DTWD2: variants seen among roughly 807,000 people sequenced by gnomAD.
The protein encoded by DTWD2 is DTW motif tRNA-uridine aminocarboxypropyltransferase 2.
In DTWD2, 39 loss-of-function variants were observed where a neutral mutation model predicts 31.8. That is an observed-to-expected ratio of 1.22 (90% CI 0.95 to 1.60). DTWD2 has a LOEUF of 1.60. Among genes scored for constraint, DTWD2 ranks in the 40% most tolerant of loss-of-function variants. The probability of loss-of-function intolerance (pLI) is 0.00; values close to 1 mark genes in which losing one functional copy is unlikely to be tolerated. For synonymous variants in DTWD2, 180 were observed against 142.8 expected (o/e 1.26, Z -1.86); for missense variants, 515 against 381.5 (o/e 1.35, Z -2.92).
At position 118,911,514 on chromosome 5, in the gene DTWD2, A is replaced by G. The variant is rs146181197; in HGVS notation, c.597+17023T>C. ...CAATCCTACTTCTGGGTATATATCCAAAGGAATTGAAAACGGAATCATGAA... is the reference window on the plus strand; with the variant it reads ...CAATCCTACTTCTGGGTATATATCCGAAGGAATTGAAAACGGAATCATGAA... On this transcript the variant is annotated intron_variant, in intron 4 of 5. Transcript: ENST00000510708. 2.3e-3 allele frequency among the ~76,000 whole-genome samples: 349 copies of G among 152,354 alleles called. 2 individuals are homozygous for G. The highest frequency in any genetic ancestry group is 7.7e-3 in the African/African-American group (320 of 41,586).
chr5:118,848,244 T>C (rs1468248486), intron 4 of DTWD2, 26 bp from the exon 5 acceptor site: 1 of 1,549,824 alleles, frequency 6.5e-7, no homozygotes, highest in Non-Finnish European at 8.7e-7. Context: ...AAATAGAACA[T>C]AATTTTTGTT....
chr5:118,891,280 T>C (rs1192880195), intron 4 of DTWD2, among the ~76,000 whole-genome samples: 1 of 152,174 alleles, frequency 6.6e-6, no homozygotes, highest in Non-Finnish European at 1.5e-5. Flanking sequence ...GTTCCCACTA[T>C]GCAATCCACA....
chr5:118,855,053 G>C (rs997302461), intron 4 of DTWD2, among the ~76,000 whole-genome samples: 9 of 151,412 alleles, frequency 5.9e-5, no homozygotes, highest in African/African-American at 2.2e-4. Context: ...TGTGGTCCCA[G>C]TTACTCGGGA....
chr5:118,872,926 T>C (rs1752539314), intron 4 of DTWD2, among the ~76,000 whole-genome samples: 1 of 151,998 alleles, frequency 6.6e-6, no homozygotes, highest in Admixed American at 6.6e-5. Flanking sequence ...TTCAGAGGGA[T>C]GGCGCCGAGA....
chr5:118,924,437 T>A (rs774655608), intron 4 of DTWD2, among the ~76,000 whole-genome samples: 27 of 152,324 alleles, frequency 1.8e-4, no homozygotes, highest in Admixed American at 1.0e-3. Flanking sequence ...TAAGTTAGTT[T>A]GAGTCGAAAT....
chr5:118,932,197 A>T (rs2149580580), intron 3 of DTWD2, among the ~76,000 whole-genome samples: 1 of 152,078 alleles, frequency 6.6e-6, no homozygotes, highest in South Asian at 2.1e-4. Flanking sequence ...CAACAACAAC[A>T]AAAGCTAGAT....
chr5:118,878,721 C>T (rs1163797830), intron 4 of DTWD2, among the ~76,000 whole-genome samples: 1 of 151,966 alleles, frequency 6.6e-6, no homozygotes, highest in Non-Finnish European at 1.5e-5. Context: ...TCAGAGCAAA[C>T]AGACAATCTA....
At position 118,839,877 on chromosome 5, in the gene DTWD2, A is replaced by G. The variant is rs1360871976; in HGVS notation, c.*1040T>C. The stretch of plus-strand genomic sequence containing the variant: ...GTGTATGCTCTATAAATAGTTACCA[A>G]GTTTACCTTTAAATGGCATGTTTAG... On this transcript the variant is annotated 3_prime_UTR_variant, in exon 6 of 6. Transcript: ENST00000510708. 6.6e-6 allele frequency: 1 copy of G among 152,204 alleles called. No homozygotes were observed. Among genetic ancestry groups the G allele is most frequent in the African/African-American group, 2.4e-5 (1 of 41,456 alleles). 9.4% of individuals were successfully genotyped at this position (152,204 alleles called of 1,614,324 possible). A position where few individuals can be genotyped will look rare whatever the true frequency, so the allele number is the denominator to read the frequency against.
intron 4 of DTWD2, among the ~76,000 whole-genome samples, chr5:118,918,353 G>A (rs1313589654): frequency 6.0e-5 from 9 of 150,510 alleles, no homozygotes; most frequent in Admixed American, 5.9e-4. Flanking sequence ...TTGAGATGGA[G>A]TCTCGCTCTG....
chr5:118,888,070 C>T (rs1199000065), intron 4 of DTWD2, among the ~76,000 whole-genome samples: 7 of 16,440 alleles, frequency 4.3e-4, no homozygotes, highest in Admixed American at 1.1e-3. Flanking sequence ...TTCATCTGTT[C>T]CATTTATGTT....
intron 4 of DTWD2, among the ~76,000 whole-genome samples, chr5:118,899,312 T>C (rs1753152025): frequency 6.6e-6 from 1 of 152,242 alleles, no homozygotes; most frequent in Non-Finnish European, 1.5e-5. Flanking sequence ...AATGAATCAA[T>C]GATATTTATG....
intron 4 of DTWD2, among the ~76,000 whole-genome samples, chr5:118,896,385 T>G (rs1753084281): frequency 6.6e-6 from 1 of 152,084 alleles, no homozygotes; most frequent in African/African-American, 2.4e-5. Context: ...TAGGTCAGAT[T>G]TTTCATTTTC....
At chr5:118,861,845 T>C (rs1752267193) in intron 4 of DTWD2, among the ~76,000 whole-genome samples, 2 of 152,116 alleles carry the variant, frequency 1.3e-5, no homozygotes, top group Admixed American at 6.5e-5. Flanking sequence ...AGAGGCTCAA[T>C]TAGAACGACT....
At chr5:118,882,537 A>G (rs1254593790) in intron 4 of DTWD2, among the ~76,000 whole-genome samples, 2 of 152,236 alleles carry the variant, frequency 1.3e-5, no homozygotes, top group Non-Finnish European at 2.9e-5. Flanking sequence ...GAGGTTCTCC[A>G]TGAGGGCTCT....
intron 5 of DTWD2, among the ~76,000 whole-genome samples, chr5:118,846,334 A>G (rs979424490): frequency 6.6e-6 from 1 of 152,164 alleles, no homozygotes; most frequent in Non-Finnish European, 1.5e-5. Flanking sequence ...TACAACCACT[A>G]TTACCATAAC....
chr5:118,932,308 C>G (rs1204717299), intron 3 of DTWD2, among the ~76,000 whole-genome samples: 1 of 140,918 alleles, frequency 7.1e-6, no homozygotes, highest in Admixed American at 7.3e-5. Context: ...AAGACTCTGT[C>G]TTGACAAAAA....
chr5:118,870,181 T>C (rs775786076), intron 4 of DTWD2, among the ~76,000 whole-genome samples: 5 of 152,194 alleles, frequency 3.3e-5, no homozygotes, highest in Non-Finnish European at 7.4e-5. Flanking sequence ...CAGCCTTAGG[T>C]ATTCCATATA....
At chr5:118,977,980 GC>G (rs1305239862) in intron 1 of DTWD2, among the ~76,000 whole-genome samples, 1 of 152,146 alleles carries the variant, frequency 6.6e-6, no homozygotes, top group African/African-American at 2.4e-5. Context: ...AATTAAAACA[GC>G]CTGGTACTGG....
intron 4 of DTWD2, among the ~76,000 whole-genome samples, chr5:118,910,282 T>C (rs1753430454): frequency 2.6e-5 from 4 of 152,226 alleles, no homozygotes; most frequent in Admixed American, 2.6e-4. Context: ...TAGAGATTTC[T>C]TCCACCAAAT....
Sources: allele counts gnomAD v4.1 joint callset (sites outside exome capture counted in the v4.1 genomes callset), GRCh38; gene constraint gnomAD v4.1.1; transcripts MANE v1.5; gene names NCBI Gene and HGNC (gene_info 2026-07-23, HGNC 2026-07-21).